Variants in PARVA observed in about 807,000 individuals in gnomAD.
The protein encoded by PARVA is parvin alpha.
In PARVA, 25 loss-of-function variants were observed where a neutral mutation model predicts 52.6. That is an observed-to-expected ratio of 0.48 (90% CI 0.35 to 0.66). The LOEUF (loss-of-function observed/expected upper bound fraction) is 0.66. Ranked by LOEUF, PARVA falls within the 30% of genes least tolerant of loss-of-function variation. PARVA has a pLI of 0.01. For synonymous variants in PARVA, 185 were observed against 179.1 expected (o/e 1.03, Z -0.26); for missense variants, 373 against 450.9 (o/e 0.83, Z 1.56).
At chr11:12,448,834 C>G (rs573404877) in intron 1 of PARVA, among the ~76,000 whole-genome samples, 1 of 152,136 alleles carries the variant, frequency 6.6e-6, no homozygotes, top group South Asian at 2.1e-4. Flanking sequence ...GACTCATTTC[C>G]AGAGATATCA....
chr11:12,402,587 A>G (rs75151176), intron 1 of PARVA, among the ~76,000 whole-genome samples: 7 of 152,332 alleles, frequency 4.6e-5, no homozygotes, highest in East Asian at 3.9e-4. Flanking sequence ...CTGTCTTGGT[A>G]AAGGAGATAC....
intron 4 of PARVA, among the ~76,000 whole-genome samples, chr11:12,481,562 G>A (rs900400802): frequency 1.3e-5 from 2 of 152,080 alleles, no homozygotes; most frequent in African/African-American, 4.8e-5. Context: ...TTAGAGAATG[G>A]AATTTAGATA....
Position 12,533,808 on chromosome 11 carries a change from C to CTGAGGA in PARVA, c.*5883_*5884insTGAGGA, listed in dbSNP as rs56689985. Among the ~76,000 whole-genome samples the CTGAGGA allele has an allele frequency of 0.3, 44,565 of 150,028 alleles. 6,896 individuals carry two copies. The highest frequency in any genetic ancestry group is 0.34 in the African/African-American group (13,909 of 40,628). ...CCTCATGGTCATCACATTGAGTAGG[C>CTGAGGA]GGAGGAGGAGGAGGAGGAGGAGGAG... On this transcript the variant is annotated 3_prime_UTR_variant, in exon 13 of 13. Coordinates refer to ENST00000334956, the MANE Select transcript of PARVA (RefSeq NM_018222.5).
intron 1 of PARVA, among the ~76,000 whole-genome samples, chr11:12,456,408 A>G (rs148770919): frequency 3.3e-5 from 5 of 152,190 alleles, no homozygotes; most frequent in African/African-American, 4.8e-5. Context: ...GGCTAATTCA[A>G]ACTGTATCAT....
chr11:12,455,633 A>G (rs533608858), intron 1 of PARVA, among the ~76,000 whole-genome samples: 1 of 151,912 alleles, frequency 6.6e-6, no homozygotes, highest in African/African-American at 2.4e-5. Flanking sequence ...TTTTTGTTCT[A>G]TATATTTTTA....
chr11:12,380,756 T>C lies in PARVA; in HGVS notation c.136+2973T>C, dbSNP rs143182780. ...CAGATTAGGACTGTCATCTCCCTTA[T>C]TCTAGCACAGACACAATGTTCTTTT... On this transcript the variant is annotated intron_variant, in intron 1 of 12. Coordinates refer to ENST00000334956, the MANE Select transcript of PARVA (RefSeq NM_018222.5). Among the ~76,000 whole-genome samples, 317 of 152,078 alleles carry C rather than the reference T, an allele frequency of 2.1e-3. 11 individuals carry two copies. The highest frequency in any genetic ancestry group is 7.4e-3 in the African/African-American group (306 of 41,432).
chr11:12,451,365 A>T (rs1046701581), intron 1 of PARVA, among the ~76,000 whole-genome samples: 1 of 152,116 alleles, frequency 6.6e-6, no homozygotes. Flanking sequence ...TTGCTCTCAG[A>T]GGAGGGAAGG....
chr11:12,474,780 C>T (rs1940986064), intron 3 of PARVA, among the ~76,000 whole-genome samples: 1 of 150,826 alleles, frequency 6.6e-6, no homozygotes. Flanking sequence ...TGGCGCATGA[C>T]TGTAATCCCA....
upstream of PARVA, chr11:12,377,281 C>A (rs1939404354): frequency 1.6e-5 from 9 of 549,036 alleles, no homozygotes; most frequent in South Asian, 3.3e-4. Context: ...ATGTGTTTTG[C>A]GCCAGGCTGT....
intron 1 of PARVA, among the ~76,000 whole-genome samples, chr11:12,424,353 C>T (rs1306900895): frequency 1.3e-5 from 2 of 152,124 alleles, no homozygotes; most frequent in Non-Finnish European, 2.9e-5. Flanking sequence ...TATTTTTCAT[C>T]GTGTCCTGCA....
chr11:12,424,438 C>T (rs1012857764), intron 1 of PARVA, among the ~76,000 whole-genome samples: 1 of 152,178 alleles, frequency 6.6e-6, no homozygotes, highest in African/African-American at 2.4e-5. Context: ...AAAGTGAAGT[C>T]TCTAAGACTG....
intron 5 of PARVA, among the ~76,000 whole-genome samples, chr11:12,503,528 T>C (rs1040830905): frequency 6.6e-6 from 1 of 151,844 alleles, no homozygotes; most frequent in African/African-American, 2.4e-5. Context: ...ACATTGGAAA[T>C]CTGGCAATAA....
intron 6 of PARVA, among the ~76,000 whole-genome samples, chr11:12,506,348 G>A (rs1410049324): frequency 6.6e-6 from 1 of 152,188 alleles, no homozygotes; most frequent in East Asian, 1.9e-4. Flanking sequence ...ATACTTTTAT[G>A]TAAATTGCCC....
chr11:12,496,437 C>G (rs1217851472), intron 4 of PARVA, 21 bp from the exon 5 acceptor site: 1 of 1,601,112 alleles, frequency 6.2e-7, no homozygotes. Context: ...CAGCTGTTCT[C>G]TTTTCCCTTG....
rs1031317989 is a variant in PARVA at position 12,531,445 on chromosome 11, G to C, written c.*3520G>C. Reference sequence around the variant, plus strand: ...TAATTTTTCAATAACTAGACTCTGAGACATGTATACATTGTGGTTCAAATA... The same window carrying C: ...TAATTTTTCAATAACTAGACTCTGACACATGTATACATTGTGGTTCAAATA... On this transcript the variant is annotated 3_prime_UTR_variant, in exon 13 of 13. Coordinates refer to ENST00000334956, the MANE Select transcript of PARVA (RefSeq NM_018222.5). Among the ~76,000 whole-genome samples, 1 of 152,098 alleles carries C rather than the reference G, an allele frequency of 6.6e-6. No individual in the cohort carries two copies. The highest frequency in any genetic ancestry group is 1.9e-4 in the East Asian group (1 of 5,198).
intron 12 of PARVA, among the ~76,000 whole-genome samples, chr11:12,523,971 G>T (rs1941670097): frequency 6.6e-6 from 1 of 152,202 alleles, no homozygotes; most frequent in South Asian, 2.1e-4. Flanking sequence ...CTACCTGGGG[G>T]CCCAGGTCTT....
At chr11:12,393,170 TAAC>T (rs145339294) in intron 1 of PARVA, among the ~76,000 whole-genome samples, 11,232 of 151,858 alleles carry the variant, frequency 0.074, 459 homozygotes, top group South Asian at 0.1. Flanking sequence ...CTACTGTTAA[TAAC>T]AACAATAATA....
At chr11:12,414,780 C>T (rs558108073) in intron 1 of PARVA, among the ~76,000 whole-genome samples, 15 of 152,270 alleles carry the variant, frequency 9.9e-5, no homozygotes, top group South Asian at 2.1e-4. Context: ...ATTCTTACAG[C>T]GTTAGTTGCG....
intron 4 of PARVA, among the ~76,000 whole-genome samples, chr11:12,492,156 G>A (rs1191157597): frequency 2.0e-5 from 3 of 152,080 alleles, no homozygotes; most frequent in Non-Finnish European, 2.9e-5. Context: ...CACCATTCAG[G>A]GTAATTGAGT....
Sources: gnomAD v4.1 joint callset for allele counts (sites outside exome capture counted in the v4.1 genomes callset) on GRCh38, gnomAD v4.1.1 for gene constraint, MANE v1.5 for transcripts, NCBI Gene and HGNC (gene_info 2026-07-23, HGNC 2026-07-21) for gene names.